Variants in NLGN1 observed in about 807,000 individuals in gnomAD.
NLGN1 encodes the protein neuroligin 1.
A neutral mutation model predicts 65.5 loss-of-function variants in NLGN1; 12 were observed. The observed-to-expected ratio is 0.18, with a 90% CI of 0.12 to 0.30. The LOEUF (loss-of-function observed/expected upper bound fraction) is 0.30. Among genes scored for constraint, NLGN1 ranks in the 10% least tolerant of loss-of-function variants. The pLI, the probability that NLGN1 is intolerant of heterozygous loss-of-function variation, is 1.00. For missense variants in NLGN1, 750 were observed against 1,007.1 expected, an observed-to-expected ratio of 0.74 and a Z score of 3.46; for synonymous variants, 350 against 359.5, an observed-to-expected ratio of 0.97 and a Z score of 0.30.
Position 174,084,072 on chromosome 3 carries a change from C to T in NLGN1, c.647-191243C>T, listed in dbSNP as rs16833130. Among the ~76,000 whole-genome samples the T allele has an allele frequency of 6.3e-3, 955 of 152,208 alleles. 11 individuals are homozygous for T. Among genetic ancestry groups the T allele is most frequent in the African/African-American group, 0.022 (896 of 41,536 alleles). ...TTGTTATGGTTAGAACTCACTGTTT[C>T]GGAAAGCAGGAATATTTTTTCACAC... On this transcript the variant is annotated intron_variant, in intron 4 of 6. Coordinates refer to ENST00000457714, the Ensembl canonical transcript of NLGN1.
intron 3 of NLGN1, among the ~76,000 whole-genome samples, chr3:173,742,417 A>G: frequency 1.3e-5 from 1 of 79,812 alleles, no homozygotes; most frequent in African/African-American, 5.6e-5. Context: ...AATGAAAAAA[A>G]GTGAAATTTT....
chr3:174,086,258 C>CAT (rs372189673), intron 4 of NLGN1, among the ~76,000 whole-genome samples: 1 of 1,852 alleles, frequency 5.4e-4, no homozygotes, highest in African/African-American at 1.8e-3. Context: ...TATGTGCATA[C>CAT]ATATATATAT....
At chr3:173,683,776 G>C (rs989548021) in intron 3 of NLGN1, among the ~76,000 whole-genome samples, 6 of 152,136 alleles carry the variant, frequency 3.9e-5, no homozygotes, top group Non-Finnish European at 8.8e-5. Context: ...GGAAGGGTGG[G>C]TCAGGTATAG....
intron 4 of NLGN1, among the ~76,000 whole-genome samples, chr3:174,081,007 A>G (rs1258852277): frequency 6.6e-6 from 1 of 151,094 alleles, no homozygotes; most frequent in Non-Finnish European, 1.5e-5. Context: ...CTAGCTACCT[A>G]CTGTAATAGT....
intron 2 of NLGN1, among the ~76,000 whole-genome samples, chr3:173,483,123 C>A (rs1727578511): frequency 6.6e-6 from 1 of 151,932 alleles, no homozygotes; most frequent in Admixed American, 6.6e-5. Flanking sequence ...CACAGATATT[C>A]TTGGTAAAAA....
At chr3:173,442,014 G>A (rs1396285081) in intron 2 of NLGN1, among the ~76,000 whole-genome samples, 1 of 152,244 alleles carries the variant, frequency 6.6e-6, no homozygotes, top group East Asian at 1.9e-4. Flanking sequence ...AAGTCAAGGT[G>A]TGTATTAGCC....
At chr3:173,398,264 AG>A (rs1355606466), upstream of NLGN1, among the ~76,000 whole-genome samples, 1 of 152,120 alleles carries the variant, frequency 6.6e-6, no homozygotes, top group African/African-American at 2.4e-5. Flanking sequence ...TCCGCCGGTT[AG>A]TTTGACAGGG....
intron 4 of NLGN1, among the ~76,000 whole-genome samples, chr3:173,996,064 A>C (rs1049572130): frequency 6.6e-6 from 1 of 152,184 alleles, no homozygotes; most frequent in African/African-American, 2.4e-5. Context: ...AAGCTCAAAA[A>C]CAGTAGAGTA....
At chr3:173,449,253 G>A (rs1405571714) in intron 2 of NLGN1, among the ~76,000 whole-genome samples, 1 of 151,966 alleles carries the variant, frequency 6.6e-6, no homozygotes, top group Non-Finnish European at 1.5e-5. Flanking sequence ...AGAGATTCTG[G>A]TATGTTATGT....
At chr3:173,855,096 C>T (rs1455986415) in intron 4 of NLGN1, among the ~76,000 whole-genome samples, 7 of 151,898 alleles carry the variant, frequency 4.6e-5, no homozygotes, top group Admixed American at 6.6e-5. Context: ...TCACTTTAGA[C>T]GCTTTAACAG....
intron 2 of NLGN1, among the ~76,000 whole-genome samples, chr3:173,503,172 A>G (rs1267609882): frequency 2.0e-5 from 3 of 152,192 alleles, no homozygotes; most frequent in South Asian, 4.1e-4. Flanking sequence ...TGACCTTACA[A>G]GTATTAAGTT....
At chr3:174,158,022 A>G (rs187535917) in intron 4 of NLGN1, among the ~76,000 whole-genome samples, 126 of 151,836 alleles carry the variant, frequency 8.3e-4, no homozygotes, top group African/African-American at 2.8e-3. Context: ...AGTCCCTTCT[A>G]TTATGGAGCT....
intron 4 of NLGN1, among the ~76,000 whole-genome samples, chr3:173,820,664 T>C (rs950271713): frequency 1.3e-5 from 2 of 152,126 alleles, no homozygotes; most frequent in African/African-American, 4.8e-5. Context: ...TATACTGAAA[T>C]AACAGTTATG....
At chr3:174,099,652 C>G (rs947201682) in intron 4 of NLGN1, among the ~76,000 whole-genome samples, 1 of 152,056 alleles carries the variant, frequency 6.6e-6, no homozygotes, top group African/African-American at 2.4e-5. Flanking sequence ...ATTATTTTAA[C>G]TTGGCAGTCT....
At chr3:173,797,796 C>T (rs1447804546) in intron 3 of NLGN1, among the ~76,000 whole-genome samples, 1 of 151,860 alleles carries the variant, frequency 6.6e-6, no homozygotes, top group African/African-American at 2.4e-5. Context: ...GACTTCTCTA[C>T]ATATGCCCTC....
intron 4 of NLGN1, among the ~76,000 whole-genome samples, chr3:174,072,817 T>A (rs1740172211): frequency 6.6e-6 from 1 of 152,066 alleles, no homozygotes; most frequent in Non-Finnish European, 1.5e-5. Context: ...AGAGTAGCAA[T>A]GAGGAAGTTA....
chr3:173,556,301 C>CTATA (rs1286379109), intron 2 of NLGN1, among the ~76,000 whole-genome samples: 1 of 152,126 alleles, frequency 6.6e-6, no homozygotes, highest in East Asian at 1.9e-4. Context: ...CATTCCTTGG[C>CTATA]TATATATGCT....
At chr3:173,777,643 A>G (rs750433489) in intron 3 of NLGN1, among the ~76,000 whole-genome samples, 4,029 of 36,126 alleles carry the variant, frequency 0.11, 196 homozygotes, top group African/African-American at 0.2. Context: ...CTATCTATCT[A>G]TCTATCTATC....
intron 3 of NLGN1, among the ~76,000 whole-genome samples, chr3:173,607,606 T>A (rs1044852952): frequency 7.2e-5 from 11 of 151,898 alleles, no homozygotes; most frequent in East Asian, 1.9e-4. Context: ...CCTGTTTTTT[T>A]AAATTATTTT....
Sources: allele counts gnomAD v4.1 joint callset (sites outside exome capture counted in the v4.1 genomes callset), GRCh38; gene constraint gnomAD v4.1.1; transcripts MANE v1.5; gene names NCBI Gene and HGNC (gene_info 2026-07-23, HGNC 2026-07-21).